ZNF506: variants seen among roughly 807,000 people sequenced by gnomAD.
ZNF506 encodes zinc finger protein 506.
Under a neutral mutation model 11.6 loss-of-function variants are expected in ZNF506, and 10 were observed. That is an observed-to-expected ratio of 0.86 (90% CI 0.53 to 1.46). The LOEUF (loss-of-function observed/expected upper bound fraction) is 1.46. Ranked by LOEUF, ZNF506 falls within the 40% of genes most tolerant of loss-of-function variation. The pLI is 0.00. For missense variants in ZNF506, 425 were observed against 521.2 expected (o/e 0.82, Z 1.80); for synonymous variants, 156 against 173.3 (o/e 0.90, Z 0.78).
chr19:19,797,724 TAAG>T (rs774359255), intron 3 of ZNF506: 5 of 152,164 alleles, frequency 3.3e-5, no homozygotes, highest in South Asian at 4.1e-4. Context: ...AAATCACAGA[TAAG>T]AAGAGAATTT....
At chr19:19,811,629 C>T (rs904696618) in intron 1 of ZNF506, among the ~76,000 whole-genome samples, 2 of 151,976 alleles carry the variant, frequency 1.3e-5, no homozygotes, top group African/African-American at 2.4e-5. Flanking sequence ...TGGTGAAACC[C>T]CATCTCTGCT....
chr19:19,818,157 A>G (rs1005784240), intron 1 of ZNF506, among the ~76,000 whole-genome samples: 15 of 152,166 alleles, frequency 9.9e-5, no homozygotes, highest in Admixed American at 3.3e-4. Flanking sequence ...CCTTCATAAG[A>G]AAAGCAAATA....
At chr19:19,797,456 CAAAT>C (rs1162502328) in intron 3 of ZNF506, 1 of 142,762 alleles carries the variant, frequency 7.0e-6, no homozygotes, top group African/African-American at 2.5e-5. Flanking sequence ...AAAAAAAAAA[CAAAT>C]AAAATAAATT....
intron 1 of ZNF506, among the ~76,000 whole-genome samples, chr19:19,818,438 C>T (rs2062948820): frequency 6.6e-6 from 1 of 152,118 alleles, no homozygotes; most frequent in South Asian, 2.1e-4. Flanking sequence ...TCATTGTCTA[C>T]AGACAAAATG....
At position 19,805,434 on chromosome 19, in the gene ZNF506, T is replaced by C. The variant is rs939468818; in HGVS notation, c.226+597A>G. 8.5e-5 allele frequency among the ~76,000 whole-genome samples: 13 copies of C among 152,130 alleles called. 1 individual carries two copies. The highest frequency in any genetic ancestry group is 2.0e-4 in the Admixed American group (3 of 15,266). ...AACTTCCTATTAAAATTGCAGTGTT[T>C]TTTTTTCACAGTAATCAAAAATACA... On this transcript the variant is annotated intron_variant, in intron 3 of 3. Coordinates refer to ENST00000540806, the MANE Select transcript of ZNF506 (RefSeq NM_001099269.3).
intron 3 of ZNF506, among the ~76,000 whole-genome samples, chr19:19,804,317 C>T (rs112585025): frequency 6.6e-6 from 1 of 152,172 alleles, no homozygotes; most frequent in Non-Finnish European, 1.5e-5. Flanking sequence ...ATGCAGCCAA[C>T]AGACACATGA....
At chr19:19,802,592 A>G (rs200100713) in intron 3 of ZNF506, among the ~76,000 whole-genome samples, 1 of 152,356 alleles carries the variant, frequency 6.6e-6, no homozygotes, top group East Asian at 1.9e-4. Flanking sequence ...AAAGTTGATG[A>G]AAATTCTGTA....
At chr19:19,815,720 T>C (rs898203683) in intron 1 of ZNF506, among the ~76,000 whole-genome samples, 2 of 152,210 alleles carry the variant, frequency 1.3e-5, no homozygotes, top group African/African-American at 4.8e-5. Flanking sequence ...CGCAACATTG[T>C]CCTCATGGCA....
Position 19,801,213 on chromosome 19 carries a change from G to A in ZNF506, c.226+4818C>T, listed in dbSNP as rs555178446. Among the ~76,000 whole-genome samples, 18 of 152,124 alleles carry A rather than the reference G, an allele frequency of 1.2e-4. No individual in the cohort carries two copies. The South Asian group carries it at 2.5e-3, about 21-fold the overall frequency. ...AAAACAAAACAAAAAAAACCTGGCC[G>A]GGTGCCGTGGCTCACGCCCATAATC... On this transcript the variant is annotated intron_variant, in intron 3 of 3. Transcript: ENST00000540806.
At position 19,806,953 on chromosome 19, in the gene ZNF506, A is replaced by C; in HGVS notation, c.119T>G (p.Leu40Arg). 1 of 1,613,172 alleles carries C rather than the reference A, an allele frequency of 6.2e-7. No homozygotes were observed. The change falls in exon 2 of 4, where the codon CTG (leucine) becomes CGG (arginine). Residue 40 changes from leucine to arginine, a missense_variant. Physicochemically the swap from Leu to Arg is moderately radical, Grantham distance 102. Coordinates refer to ENST00000540806, the MANE Select transcript of ZNF506 (RefSeq NM_001099269.3). Reference protein sequence around the residue: ...RDVMLENYRNLIFLGIVVSKP... With the variant: ...RDVMLENYRNRIFLGIVVSKP... ...CAAGTTATCCTCACCAAGGAAGATC[A>C]GGTTTCTGTAGTTCTCTAACATCAC... is the stretch of plus-strand genomic sequence containing the variant.
At position 19,821,616 on chromosome 19, in the gene ZNF506, A is replaced by G; in HGVS notation, c.-13T>C. The G allele has an allele frequency of 6.2e-7, 1 of 1,613,952 alleles. No individual in the cohort carries two copies. The highest frequency in any genetic ancestry group is 8.5e-7 in the Non-Finnish European group (1 of 1,179,888). On this transcript the variant is annotated 5_prime_UTR_variant, in exon 1 of 4. Transcript: ENST00000540806. ...GCACTCTCACCATTTCTAGGCTTCC[A>G]GGGGGTCCCGGCGTCCTAGCTGTGA...
chr19:19,805,957 A>T, intron 3 of ZNF506, 74 bp downstream of exon 3: 1 of 1,265,832 alleles, frequency 7.9e-7, no homozygotes, highest in Non-Finnish European at 1.1e-6. Context: ...ATCACATTTT[A>T]AGGACTCGCT....
chr19:19,816,511 C>A (rs972676990), intron 1 of ZNF506, among the ~76,000 whole-genome samples: 1 of 152,184 alleles, frequency 6.6e-6, no homozygotes, highest in Non-Finnish European at 1.5e-5. Flanking sequence ...GCACCTGCCA[C>A]CACGCCTGGC....
At chr19:19,797,011 C>T (rs750540445) in intron 3 of ZNF506, 9 of 151,664 alleles carry the variant, frequency 5.9e-5, no homozygotes, top group Non-Finnish European at 1.2e-4. Context: ...TTATAAAAAT[C>T]ATAACAGGTA....
At chr19:19,807,698 G>A (rs969727896) in intron 1 of ZNF506, among the ~76,000 whole-genome samples, 2 of 151,856 alleles carry the variant, frequency 1.3e-5, no homozygotes, top group Admixed American at 6.6e-5. Context: ...TAGTAGAGAT[G>A]GGGTTTCTCC....
chr19:19,820,976 G>A (rs1021971797), intron 1 of ZNF506, among the ~76,000 whole-genome samples: 12 of 150,838 alleles, frequency 8.0e-5, no homozygotes, highest in Non-Finnish European at 1.6e-4. Flanking sequence ...CTCAGCTCAC[G>A]GCAACCTCCG....
rs1319025605 is a variant in ZNF506 at position 19,794,626 on chromosome 19, T to C, written c.1261A>G (p.Arg421Gly). ...ALNKHKKIHIRQKPCIVKNVE... is the reference protein window; with the variant it reads ...ALNKHKKIHIGQKPCIVKNVE... ...TTCTTCACTATGCAGGGTTTCTGTCTAATATGAATTTTCTTATGTTTATTA... is the reference window on the plus strand; with the variant it reads ...TTCTTCACTATGCAGGGTTTCTGTCCAATATGAATTTTCTTATGTTTATTA... Residue 421 changes from arginine to glycine, a missense_variant, in exon 4 of 4, where the codon AGA becomes GGA. Coordinates refer to ENST00000540806, the MANE Select transcript of ZNF506 (RefSeq NM_001099269.3). The C allele has an allele frequency of 6.2e-7, 1 of 1,613,018 alleles. No individual in the cohort carries two copies. Among genetic ancestry groups the C allele is most frequent in the Admixed American group, 1.7e-5 (1 of 59,732 alleles).
At chr19:19,798,837 TTTAAATATAA>T (rs2062767654) in intron 3 of ZNF506, 1 of 151,988 alleles carries the variant, frequency 6.6e-6, no homozygotes, top group South Asian at 2.1e-4. Flanking sequence ...CAGAAAACTA[TTTAAATATAA>T]TTATCTTTCC....
chr19:19,799,692 C>A (rs1007749589), intron 3 of ZNF506, among the ~76,000 whole-genome samples: 1 of 152,044 alleles, frequency 6.6e-6, no homozygotes, highest in Non-Finnish European at 1.5e-5. Context: ...GTGAATTTAA[C>A]TCCATCTCAA....
Sources: gnomAD v4.1 joint callset for allele counts (sites outside exome capture counted in the v4.1 genomes callset) on GRCh38, gnomAD v4.1.1 for gene constraint, MANE v1.5 for transcripts, NCBI Gene and HGNC (gene_info 2026-07-23, HGNC 2026-07-21) for gene names.